Variants in DMD observed in about 807,000 individuals in gnomAD.
DMD encodes mutant dystrophin.
In DMD, 63 loss-of-function variants were observed where a neutral mutation model predicts 330.1. That is an observed-to-expected ratio of 0.19 (90% confidence interval 0.16 to 0.24). The LOEUF is 0.24. Among genes scored for constraint, DMD ranks in the 10% least tolerant of loss-of-function variants. DMD has a pLI of 1.00. For missense variants in DMD, 3,344 were observed against 2,684.1 expected (o/e 1.25, Z -5.43); for synonymous variants, 1,223 against 959.8 (o/e 1.27, Z -5.07).
At chrX:33,219,477 A>G (rs1204474108) in intron 1 of DMD, among the ~76,000 whole-genome samples, 2 of 109,397 alleles carry the variant, frequency 1.8e-5, no homozygotes, top group Non-Finnish European at 3.8e-5. Flanking sequence ...ACAAAAAAAA[A>G]AAAAGAGCTT....
At chrX:32,524,124 T>C (rs949512754) in intron 17 of DMD, among the ~76,000 whole-genome samples, 7 of 109,174 alleles carry the variant, frequency 6.4e-5, no homozygotes, top group African/African-American at 2.0e-4. Flanking sequence ...TTAGTAGAGA[T>C]GTGGTTTCAC....
chrX:31,688,789 T>A (rs1277809450), intron 52 of DMD, among the ~76,000 whole-genome samples: 1 of 111,548 alleles, frequency 9.0e-6, no homozygotes, highest in East Asian at 2.8e-4. Context: ...GTGGGCTTCA[T>A]CCCTGGGATG....
chrX:32,219,512 G>A (rs1474264254), intron 43 of DMD, among the ~76,000 whole-genome samples: 1 of 111,416 alleles, frequency 9.0e-6, no homozygotes, highest in Non-Finnish European at 1.9e-5. Flanking sequence ...TCAGAAAAAT[G>A]AAATAATTTA....
In DMD at chrX:32,029,423, C is replaced by T. The variant is rs143580279; in HGVS notation, c.6439-60909G>A. Among the ~76,000 whole-genome samples, 1,049 of 110,771 alleles carry T rather than the reference C, an allele frequency of 9.5e-3. 15 individuals carry two copies. The highest frequency in any genetic ancestry group is 0.032 in the African/African-American group (977 of 30,538). The stretch of plus-strand genomic sequence containing the variant: ...GATAGACATCTTATTGCCTCAATTT[C>T]TGCAGGGGATAAATTGGGAAATAAG... On this transcript the variant is annotated intron_variant, in intron 44 of 78. Transcript: ENST00000357033.
At chrX:31,711,259 A>G (rs2084614046) in intron 52 of DMD, among the ~76,000 whole-genome samples, 1 of 111,396 alleles carries the variant, frequency 9.0e-6, no homozygotes, top group Non-Finnish European at 1.9e-5. Flanking sequence ...ATCTGAAAAC[A>G]TGCTGAAAAC....
At chrX:32,596,536 CT>C (rs34125114) in intron 12 of DMD, among the ~76,000 whole-genome samples, 73 of 107,810 alleles carry the variant, frequency 6.8e-4, no homozygotes, top group African/African-American at 2.5e-3. Context: ...CTATGTGCTA[CT>C]TTTTTTATTT....
intron 7 of DMD, among the ~76,000 whole-genome samples, chrX:32,771,461 GTCATC>G (rs1022293586): frequency 1.8e-5 from 2 of 108,921 alleles, no homozygotes; most frequent in African/African-American, 6.9e-5. Flanking sequence ...AAACATAAAT[GTCATC>G]TCATCATTGA....
chrX:31,311,237 C>T (rs776374883), intron 62 of DMD, among the ~76,000 whole-genome samples: 19 of 109,195 alleles, frequency 1.7e-4, no homozygotes, highest in African/African-American at 5.4e-4. Context: ...AAGGATGAGA[C>T]GATCTGTTCT....
intron 47 of DMD, among the ~76,000 whole-genome samples, chrX:31,912,662 C>G (rs901141049): frequency 1.8e-5 from 2 of 111,670 alleles, no homozygotes; most frequent in African/African-American, 6.5e-5. Flanking sequence ...TTTGCACCAA[C>G]CTAATATATC....
chrX:32,385,311 T>A (rs1177535213), intron 33 of DMD, among the ~76,000 whole-genome samples: 1 of 110,752 alleles, frequency 9.0e-6, no homozygotes, highest in African/African-American at 3.3e-5. Flanking sequence ...AAAAAGGACA[T>A]TCTCTTCAAT....
chrX:31,869,514 C>A (rs999843304), intron 48 of DMD, among the ~76,000 whole-genome samples: 1 of 106,700 alleles, frequency 9.4e-6, no homozygotes. Context: ...AATCTGGCTG[C>A]GATTCTCCAA....
intron 60 of DMD, among the ~76,000 whole-genome samples, chrX:31,378,273 T>C (rs1216634506): frequency 1.8e-5 from 2 of 111,395 alleles, no homozygotes; most frequent in Admixed American, 9.5e-5. Flanking sequence ...CGACCTCTGG[T>C]CCTCAGACTA....
intron 55 of DMD, among the ~76,000 whole-genome samples, chrX:31,522,590 G>T (rs2072931857): frequency 9.2e-6 from 1 of 108,330 alleles, no homozygotes; most frequent in African/African-American, 3.4e-5. Flanking sequence ...CACAGGATGA[G>T]AAAAAGGGAG....
At chrX:31,697,149 T>C (rs776603208) in intron 52 of DMD, among the ~76,000 whole-genome samples, 2 of 111,727 alleles carry the variant, frequency 1.8e-5, no homozygotes, top group Non-Finnish European at 3.8e-5. Context: ...CAATTTATAC[T>C]ACAGAATTTT....
chrX:33,288,825 G>A (rs926062295), intron 1 of DMD, among the ~76,000 whole-genome samples: 7 of 111,732 alleles, frequency 6.3e-5, no homozygotes, highest in Non-Finnish European at 1.9e-5. Flanking sequence ...ATTAAGGATT[G>A]TAACCAAGAG....
At chrX:31,766,587 A>G (rs1349586338) in intron 51 of DMD, among the ~76,000 whole-genome samples, 2 of 112,154 alleles carry the variant, frequency 1.8e-5, no homozygotes, top group Admixed American at 1.9e-4. Flanking sequence ...ACAATGGCAA[A>G]CATAAACTTC....
chrX:31,505,724 C>T (rs940106326), intron 56 of DMD, among the ~76,000 whole-genome samples: 1 of 110,898 alleles, frequency 9.0e-6, no homozygotes, highest in East Asian at 2.8e-4. Context: ...ACCTCCACCT[C>T]CCGGGTTCAA....
At chrX:31,557,162 C>T (rs2074893441) in intron 55 of DMD, among the ~76,000 whole-genome samples, 3 of 111,694 alleles carry the variant, frequency 2.7e-5, no homozygotes, top group Non-Finnish European at 1.9e-5. Flanking sequence ...GGTTGAGGAG[C>T]TGCGGGAGAC....
intron 47 of DMD, among the ~76,000 whole-genome samples, chrX:31,924,225 AATCGTC>A (rs2094735998): frequency 8.9e-6 from 1 of 112,062 alleles, no homozygotes; most frequent in Non-Finnish European, 1.9e-5. Flanking sequence ...ACAATCTATT[AATCGTC>A]ATCTTGTGAT....
Sources: gnomAD v4.1 joint callset for allele counts (sites outside exome capture counted in the v4.1 genomes callset) on GRCh38, gnomAD v4.1.1 for gene constraint, MANE v1.5 for transcripts, NCBI Gene and HGNC (gene_info 2026-07-23, HGNC 2026-07-21) for gene names.